The following RRM2 variants were observed in gnomAD, a reference collection of about 807,000 sequenced individuals.
The protein encoded by RRM2 is ribonucleotide reductase regulatory subunit M2.
RRM2 carries 6 observed loss-of-function variants against 45.9 expected under a neutral mutation model. The observed-to-expected ratio is 0.13, with a 90% confidence interval of 0.07 to 0.26. The LOEUF (loss-of-function observed/expected upper bound fraction) is 0.26, where lower values mean the gene tolerates loss of function less well. Ranked by LOEUF, RRM2 falls within the 10% of genes least tolerant of loss-of-function variation. The pLI is 1.00. For missense variants in RRM2, 343 were observed against 489.5 expected (o/e 0.70, Z 2.82); for synonymous variants, 177 against 173.0 (o/e 1.02, Z -0.18).
chr2:10,134,045 G>T (rs2125309776), downstream of RRM2, among the ~76,000 whole-genome samples: 1 of 152,028 alleles, frequency 6.6e-6, no homozygotes, highest in Non-Finnish European at 1.5e-5. Context: ...CGGGTGTGGT[G>T]GCCCATGTCT....
chr2:10,173,418 T>C (rs1663844545), intron 3 of RRM2, among the ~76,000 whole-genome samples: 1 of 152,138 alleles, frequency 6.6e-6, no homozygotes, highest in South Asian at 2.1e-4. Context: ...CGTTGGCCAG[T>C]CACCCAAGAA....
At chr2:10,189,354 AG>A (rs1558402377) in intron 3 of RRM2, among the ~76,000 whole-genome samples, 1 of 152,216 alleles carries the variant, frequency 6.6e-6, no homozygotes, top group Non-Finnish European at 1.5e-5. Context: ...CGGAGGAGAC[AG>A]GAATGGCTCA....
chr2:10,182,969 G>GGAGTTGGAGAC (rs931625067), intron 3 of RRM2, among the ~76,000 whole-genome samples: 2 of 152,172 alleles, frequency 1.3e-5, no homozygotes, highest in African/African-American at 4.8e-5. Flanking sequence ...CTTGAGCCCA[G>GGAGTTGGAGAC]GAGTTGGAGA....
At chr2:10,206,178 G>A (rs62127599) in intron 3 of RRM2, among the ~76,000 whole-genome samples, 55,260 of 150,624 alleles carry the variant, frequency 0.37, 11,885 homozygotes, top group Non-Finnish European at 0.48. Context: ...TCTGGGAGGC[G>A]GAGCTTGCAG....
rs577344769 is a variant in RRM2 at position 10,192,612 on chromosome 2, G to A, written n.483-17699G>A. On this transcript the variant is annotated intron_variant and non_coding_transcript_variant, in intron 3 of 3. Coordinates refer to the RRM2 transcript ENST00000381786. ...GAGGCGGCTGGGCACCCCCTCGCTGGGGCTGGTCTCCTGGGTCCCTGTTTC... is the reference window on the plus strand; with the variant it reads ...GAGGCGGCTGGGCACCCCCTCGCTGAGGCTGGTCTCCTGGGTCCCTGTTTC... 1.6e-4 allele frequency: 25 copies of A among 154,758 alleles called. No homozygotes were observed. In the East Asian group the frequency reaches 4.8e-3, roughly 30 times the overall value. 9.6% of individuals were successfully genotyped at this position (154,758 alleles called of 1,614,324 possible).
At chr2:10,145,850 C>T (rs1663175149) in intron 3 of RRM2, 1 of 152,232 alleles carries the variant, frequency 6.6e-6, no homozygotes, top group Non-Finnish European at 1.5e-5. Flanking sequence ...GAAATTACAT[C>T]TCTGGGACAA....
At chr2:10,194,426 T>C (rs1007880595) in intron 3 of RRM2, among the ~76,000 whole-genome samples, 2 of 152,174 alleles carry the variant, frequency 1.3e-5, no homozygotes, top group Non-Finnish European at 2.9e-5. Flanking sequence ...CAGTTCCTAC[T>C]CCCCAGCTTG....
chr2:10,142,704 A>G (rs965494285), intron 3 of RRM2, among the ~76,000 whole-genome samples: 2 of 151,174 alleles, frequency 1.3e-5, no homozygotes, highest in African/African-American at 2.4e-5. Flanking sequence ...CCGCCAGTCC[A>G]TTGCACACAT....
intron 3 of RRM2, among the ~76,000 whole-genome samples, chr2:10,188,144 C>T (rs952799793): frequency 2.0e-5 from 3 of 152,200 alleles, no homozygotes; most frequent in African/African-American, 7.2e-5. Flanking sequence ...AGGGCTTCCC[C>T]CTCCCACTTT....
At chr2:10,131,736 GA>G (rs796068690), downstream of RRM2, among the ~76,000 whole-genome samples, 68 of 150,870 alleles carry the variant, frequency 4.5e-4, no homozygotes, top group East Asian at 0.01. Context: ...GAGACTGTCT[GA>G]AAAAAAAAGG....
intron 3 of RRM2, among the ~76,000 whole-genome samples, chr2:10,160,689 C>T (rs764992582): frequency 2.2e-4 from 34 of 152,252 alleles, no homozygotes; most frequent in Non-Finnish European, 4.4e-4. Context: ...CCAGACCAGT[C>T]TCAGGGCATC....
chr2:10,171,107 T>A lies in RRM2; in HGVS notation n.482+28732T>A, dbSNP rs1188068043. On this transcript the variant is annotated intron_variant and non_coding_transcript_variant, in intron 3 of 3. Coordinates refer to the RRM2 transcript ENST00000381786. The surrounding 1 kb of genome is among the most constrained non-coding windows in gnomAD (Gnocchi z 4.1). ...CACTCATCATTATAGGCTGCGCCAC[T>A]CATTATAGGCTGCGGGGCCTGCACA... Among the ~76,000 whole-genome samples the A allele has an allele frequency of 2.0e-5, 3 of 152,068 alleles. No homozygotes were observed. Among genetic ancestry groups the A allele is most frequent in the Non-Finnish European group, 4.4e-5 (3 of 68,008 alleles).
chr2:10,177,193 C>T (rs997841599), intron 3 of RRM2, among the ~76,000 whole-genome samples: 2 of 151,992 alleles, frequency 1.3e-5, no homozygotes, highest in Non-Finnish European at 2.9e-5. Flanking sequence ...TTGCGGTGAA[C>T]CAAGATCGCA....
chr2:10,191,829 C>T (rs187902003), intron 3 of RRM2, among the ~76,000 whole-genome samples: 36 of 152,264 alleles, frequency 2.4e-4, no homozygotes, highest in Non-Finnish European at 4.1e-4. Flanking sequence ...TTCCAGGGCC[C>T]GGCTGCTGCG....
chr2:10,185,771 CCT>C lies in RRM2; in HGVS notation n.483-24535_483-24534del, dbSNP rs1664152091. On this transcript the variant is annotated intron_variant and non_coding_transcript_variant, in intron 3 of 3. Transcript: ENST00000381786. The surrounding 1 kb of genome is among the most constrained non-coding windows in gnomAD (Gnocchi z 4.3). The stretch of plus-strand genomic sequence containing the variant: ...CTCCTTTCCCCCACCCTTCACCTCC[CCT>C]CTCTGTTCTCCCCAGTCTCCCCTAA... Among the ~76,000 whole-genome samples the C allele has an allele frequency of 6.6e-6, 1 of 152,144 alleles. No individual in the cohort carries two copies. The highest frequency in any genetic ancestry group is 2.4e-5 in the African/African-American group (1 of 41,436).
intron 3 of RRM2, among the ~76,000 whole-genome samples, chr2:10,188,719 G>T (rs1184055430): frequency 6.6e-6 from 1 of 152,188 alleles, no homozygotes; most frequent in South Asian, 2.1e-4. Context: ...GCCGAGGCAT[G>T]GGGGGCATTT....
Position 10,123,534 on chromosome 2 carries a change from A to G in RRM2, c.318+4A>G. The stretch of plus-strand genomic sequence containing the variant: ...TTCCTTTTGGACCGCCGAGGAGGTA[A>G]TCGGAGGACCCCAGAAGACCCCTGC... On this transcript the variant is annotated splice_donor_region_variant and intron_variant, in intron 3 of 9. Transcript: ENST00000304567. 3.7e-6 allele frequency: 6 copies of G among 1,611,018 alleles called. No individual in the cohort carries two copies. The highest frequency in any genetic ancestry group is 5.1e-6 in the Non-Finnish European group (6 of 1,178,650).
At chr2:10,188,563 C>T (rs1664218686) in intron 3 of RRM2, among the ~76,000 whole-genome samples, 1 of 152,078 alleles carries the variant, frequency 6.6e-6, no homozygotes, top group African/African-American at 2.4e-5. Flanking sequence ...CCAAATACGT[C>T]CTGTTGAGGA....
At chr2:10,137,624 A>G (rs1663012882), upstream of RRM2, among the ~76,000 whole-genome samples, 1 of 152,214 alleles carries the variant, frequency 6.6e-6, no homozygotes, top group Non-Finnish European at 1.5e-5. Context: ...CACAAAGTCT[A>G]GGGACAGGTA....
Sources: gnomAD v4.1 joint callset for allele counts (sites outside exome capture counted in the v4.1 genomes callset) on GRCh38, gnomAD v4.1.1 for gene constraint, Gnocchi (gnomAD v3.1) non-coding constraint, MANE v1.5 for transcripts, NCBI Gene and HGNC (gene_info 2026-07-23, HGNC 2026-07-21) for gene names.